RBMS3: variants seen among roughly 807,000 people sequenced by gnomAD.
RBMS3 encodes RNA binding motif single stranded interacting protein 3.
In RBMS3, 27 loss-of-function variants were observed where a neutral mutation model predicts 66.8. The ratio of observed to expected loss-of-function variants is 0.40; its 90% CI spans 0.30 to 0.56. The LOEUF (loss-of-function observed/expected upper bound fraction) is 0.56. Ranked by LOEUF, RBMS3 falls within the 20% of genes least tolerant of loss-of-function variation. The pLI is 0.40. For missense variants in RBMS3, 513 were observed against 549.5 expected, an observed-to-expected ratio of 0.93 and a Z score of 0.66; for synonymous variants, 188 against 183.0, an observed-to-expected ratio of 1.03 and a Z score of -0.22.
intron 4 of RBMS3, among the ~76,000 whole-genome samples, chr3:29,588,998 G>C (rs547606474): frequency 6.6e-6 from 1 of 152,100 alleles, no homozygotes; most frequent in Non-Finnish European, 1.5e-5. Flanking sequence ...GAAGTTAGCA[G>C]ATTGTAGCAC....
At chr3:29,503,441 C>T (rs1422525987) in intron 3 of RBMS3, among the ~76,000 whole-genome samples, 1 of 152,038 alleles carries the variant, frequency 6.6e-6, no homozygotes, top group Non-Finnish European at 1.5e-5. Context: ...TTTCCTCGTA[C>T]TCACTCTAGA....
At chr3:29,451,146 A>G (rs2042005831) in intron 2 of RBMS3, among the ~76,000 whole-genome samples, 1 of 152,200 alleles carries the variant, frequency 6.6e-6, no homozygotes, top group Non-Finnish European at 1.5e-5. Flanking sequence ...CTGACATCTT[A>G]TACTCTTATC....
At chr3:29,499,094 GA>G (rs1261778042) in intron 3 of RBMS3, among the ~76,000 whole-genome samples, 1 of 151,884 alleles carries the variant, frequency 6.6e-6, no homozygotes. Context: ...TAGGTTCTGG[GA>G]AAAAAATTTT....
chr3:29,853,542 T>C (rs2058994508), intron 6 of RBMS3, among the ~76,000 whole-genome samples: 1 of 151,038 alleles, frequency 6.6e-6, no homozygotes, highest in African/African-American at 2.4e-5. Context: ...ACTGGGTTTA[T>C]ATCCTGATCA....
intron 2 of RBMS3, among the ~76,000 whole-genome samples, chr3:29,485,023 T>C (rs1167707194): frequency 2.0e-5 from 3 of 152,198 alleles, no homozygotes; most frequent in Admixed American, 6.5e-5. Flanking sequence ...ATAAATTCTT[T>C]ATTGAAGGAT....
chr3:29,600,568 G>A (rs573379435), intron 4 of RBMS3, among the ~76,000 whole-genome samples: 50 of 152,088 alleles, frequency 3.3e-4, no homozygotes, highest in Non-Finnish European at 6.5e-4. Flanking sequence ...GCAGCCTCAC[G>A]TATTTCTTTT....
rs764971177 is a variant in RBMS3 at position 29,936,716 on chromosome 3, C to A, written c.1050+520C>A. Reference sequence around the variant, plus strand: ...TGATGTTGAAAAGAAGGAAGGGAACCTAATGTGCTTGATTTTTTCTTATAG... The same window carrying A: ...TGATGTTGAAAAGAAGGAAGGGAACATAATGTGCTTGATTTTTTCTTATAG... On this transcript the variant is annotated intron_variant, in intron 11 of 14. Transcript: ENST00000383767. Among the ~76,000 whole-genome samples the A allele has an allele frequency of 5.9e-4, 90 of 151,988 alleles. 1 individual carries two copies. The highest frequency in any genetic ancestry group is 1.1e-3 in the Non-Finnish European group (72 of 67,972).
At chr3:29,473,202 G>A (rs954213409) in intron 2 of RBMS3, among the ~76,000 whole-genome samples, 4 of 151,998 alleles carry the variant, frequency 2.6e-5, no homozygotes, top group Admixed American at 6.5e-5. Flanking sequence ...ACAGAGTGTC[G>A]ATTGGTGCAT....
intron 9 of RBMS3, 126 bp downstream of exon 9, chr3:29,897,601 A>G: frequency 1.3e-6 from 1 of 788,910 alleles, no homozygotes; most frequent in Admixed American, 2.1e-5. Context: ...ATCTTAATGT[A>G]ATAATACTCA....
At chr3:29,570,065 T>G (rs544561342) in intron 3 of RBMS3, among the ~76,000 whole-genome samples, 3 of 152,172 alleles carry the variant, frequency 2.0e-5, no homozygotes, top group African/African-American at 7.2e-5. Flanking sequence ...TATTAAAAAT[T>G]TATTATCTTG....
intron 3 of RBMS3, among the ~76,000 whole-genome samples, chr3:29,513,972 A>G (rs908400830): frequency 1.3e-5 from 2 of 152,138 alleles, no homozygotes; most frequent in African/African-American, 4.8e-5. Flanking sequence ...ATAACTCTCT[A>G]AAGCATTCTC....
intron 3 of RBMS3, among the ~76,000 whole-genome samples, chr3:29,529,126 T>C (rs1488637350): frequency 6.6e-6 from 1 of 152,190 alleles, no homozygotes; most frequent in African/African-American, 2.4e-5. Context: ...AAATCTGTCA[T>C]TGATTTGCTG....
At chr3:29,802,954 A>G (rs1244119205) in intron 6 of RBMS3, among the ~76,000 whole-genome samples, 6 of 152,290 alleles carry the variant, frequency 3.9e-5, no homozygotes, top group Non-Finnish European at 7.4e-5. Flanking sequence ...GATCGAGGTG[A>G]GGGAGTTGGA....
intron 4 of RBMS3, among the ~76,000 whole-genome samples, chr3:29,643,538 A>G (rs1476433771): frequency 6.6e-6 from 1 of 152,112 alleles, no homozygotes; most frequent in Non-Finnish European, 1.5e-5. Flanking sequence ...AGAATGCAGC[A>G]GAGGAGGAAG....
At chr3:29,928,512 A>G (rs1046327598) in intron 10 of RBMS3, among the ~76,000 whole-genome samples, 1 of 151,980 alleles carries the variant, frequency 6.6e-6, no homozygotes. Context: ...TGTGCAATAC[A>G]TCTGTATAGG....
intron 5 of RBMS3, among the ~76,000 whole-genome samples, chr3:29,752,186 C>G (rs1299226362): frequency 6.6e-6 from 1 of 152,100 alleles, no homozygotes; most frequent in East Asian, 1.9e-4. Context: ...AGATAATCTT[C>G]CCCTGGAGTT....
At chr3:29,791,617 C>T (rs2149427815) in intron 6 of RBMS3, among the ~76,000 whole-genome samples, 1 of 151,990 alleles carries the variant, frequency 6.6e-6, no homozygotes, top group East Asian at 1.9e-4. Flanking sequence ...ATTTTTTTAC[C>T]TTACACATAG....
At chr3:29,408,138 G>A (rs549854250) in intron 1 of RBMS3, among the ~76,000 whole-genome samples, 583 of 151,098 alleles carry the variant, frequency 3.9e-3, no homozygotes, top group Non-Finnish European at 6.4e-3. Flanking sequence ...TGGGTGTGGT[G>A]GCGGGTGCCT....
At chr3:29,357,805 A>G (rs1268167583) in intron 1 of RBMS3, among the ~76,000 whole-genome samples, 2 of 152,134 alleles carry the variant, frequency 1.3e-5, no homozygotes, top group African/African-American at 2.4e-5. Flanking sequence ...GCCAGTGATG[A>G]TGAGCATTTT....
Sources: allele counts gnomAD v4.1 joint callset (sites outside exome capture counted in the v4.1 genomes callset), GRCh38; gene constraint gnomAD v4.1.1; transcripts MANE v1.5; gene names NCBI Gene and HGNC (gene_info 2026-07-23, HGNC 2026-07-21).